The following DPYSL2 variants were observed in gnomAD, a reference collection of about 807,000 sequenced individuals.
The protein encoded by DPYSL2 is dihydropyrimidinase like 2.
In DPYSL2, 13 loss-of-function variants were observed where a neutral mutation model predicts 69.9. The observed-to-expected ratio is 0.19, with a 90% CI of 0.12 to 0.30. The LOEUF (loss-of-function observed/expected upper bound fraction) is 0.30. Among genes scored for constraint, DPYSL2 ranks in the 10% least tolerant of loss-of-function variants. The probability of loss-of-function intolerance (pLI) is 1.00; values close to 1 mark genes in which losing one functional copy is unlikely to be tolerated. For missense variants in DPYSL2, 587 were observed against 918.9 expected (o/e 0.64, Z 4.67); for synonymous variants, 326 against 359.1 (o/e 0.91, Z 1.04).
intron 3 of DPYSL2, among the ~76,000 whole-genome samples, chr8:26,600,141 AT>A (rs1174373048): frequency 6.6e-6 from 1 of 152,178 alleles, no homozygotes; most frequent in Non-Finnish European, 1.5e-5. Context: ...AGTAGACCAC[AT>A]TTTGTTTGCC....
At chr8:26,601,851 G>A (rs188560121) in intron 3 of DPYSL2, among the ~76,000 whole-genome samples, 1 of 152,232 alleles carries the variant, frequency 6.6e-6, no homozygotes, top group Non-Finnish European at 1.5e-5. Context: ...TTTATAAAAG[G>A]GGGTGGGCTA....
At chr8:26,573,207 C>A (rs1801267953) in intron 1 of DPYSL2, among the ~76,000 whole-genome samples, 1 of 152,158 alleles carries the variant, frequency 6.6e-6, no homozygotes, top group East Asian at 1.9e-4. Flanking sequence ...GAAGGGGAGG[C>A]TGCCAAGAAG....
intron 1 of DPYSL2, among the ~76,000 whole-genome samples, chr8:26,558,622 C>T (rs1204741108): frequency 6.6e-6 from 1 of 152,192 alleles, no homozygotes; most frequent in East Asian, 1.9e-4. Context: ...ATTGGCTCAT[C>T]ACTTGTAACA....
At chr8:26,611,221 TC>T (rs1045443302) in intron 3 of DPYSL2, among the ~76,000 whole-genome samples, 18 of 152,366 alleles carry the variant, frequency 1.2e-4, no homozygotes, top group African/African-American at 4.3e-4. Flanking sequence ...CTGTCCTTGT[TC>T]CGAGAAAGTT....
At chr8:26,569,022 T>G (rs1801195347) in intron 1 of DPYSL2, among the ~76,000 whole-genome samples, 1 of 152,166 alleles carries the variant, frequency 6.6e-6, no homozygotes, top group Non-Finnish European at 1.5e-5. Context: ...CCATGAGACC[T>G]CATCCAGTCA....
In DPYSL2 at chr8:26,516,640, A is replaced by G. The variant is rs1267266800; in HGVS notation, c.354+1961A>G. On this transcript the variant is annotated intron_variant, in intron 1 of 13. Coordinates refer to ENST00000521913, the MANE Select transcript of DPYSL2 (RefSeq NM_001197293.3). This position sits in a 1 kb window ranked among gnomAD's most constrained non-coding sequence, Gnocchi z 4.8. The stretch of plus-strand genomic sequence containing the variant: ...AAAACTAAGGCACGCAGAGGGGGAG[A>G]TTTGAAGAGAAAATACTCAAACAAA... Among the ~76,000 whole-genome samples, 1 of 152,132 alleles carries G rather than the reference A, an allele frequency of 6.6e-6. No homozygotes were observed. Among genetic ancestry groups the G allele is most frequent in the Non-Finnish European group, 1.5e-5 (1 of 68,026 alleles).
intron 1 of DPYSL2, chr8:26,548,506 C>G (rs10110479): frequency 0.88 from 133,909 of 153,038 alleles, 58,994 homozygotes; most frequent in East Asian, 0.99. Flanking sequence ...TCACAGTAGA[C>G]AGAGAGCTGT....
rs1244710356 is a variant in DPYSL2 at position 26,605,683 on chromosome 8, T to A, written c.629-18460T>A. ...GTATTAAAAATTAATAGCTTCCCTG[T>A]ATGTCATAAATAACCAATCAGAAAA... On this transcript the variant is annotated intron_variant, in intron 3 of 13. Coordinates refer to ENST00000521913, the MANE Select transcript of DPYSL2 (RefSeq NM_001197293.3). The surrounding 1 kb of genome is among the most constrained non-coding windows in gnomAD (Gnocchi z 4.1). Among the ~76,000 whole-genome samples, 4 of 152,202 alleles carry A rather than the reference T, an allele frequency of 2.6e-5. No individual in the cohort carries two copies. The highest frequency in any genetic ancestry group is 2.6e-4 in the Admixed American group (4 of 15,286).
At chr8:26,523,050 T>C (rs1394921755) in intron 1 of DPYSL2, among the ~76,000 whole-genome samples, 1 of 152,064 alleles carries the variant, frequency 6.6e-6, no homozygotes, top group Non-Finnish European at 1.5e-5. Context: ...CTTGAGTGTT[T>C]TGTGCACTGA....
intron 7 of DPYSL2, among the ~76,000 whole-genome samples, chr8:26,629,620 C>T (rs1802696442): frequency 6.6e-6 from 1 of 152,216 alleles, no homozygotes; most frequent in Admixed American, 6.5e-5. Context: ...CAGGCAAGCC[C>T]CTGTGTCAGC....
intron 1 of DPYSL2, among the ~76,000 whole-genome samples, chr8:26,527,423 CT>C (rs1808498271): frequency 6.6e-6 from 1 of 151,620 alleles, no homozygotes; most frequent in East Asian, 1.9e-4. Flanking sequence ...TATTTTTTTC[CT>C]TTGTATTTAT....
At chr8:26,631,254 C>T (rs1455913124) in intron 7 of DPYSL2, among the ~76,000 whole-genome samples, 1 of 152,228 alleles carries the variant, frequency 6.6e-6, no homozygotes, top group Non-Finnish European at 1.5e-5. Context: ...ATTTAATTGA[C>T]TTACAGTTCT....
At chr8:26,553,174 C>T (rs62492715) in intron 1 of DPYSL2, among the ~76,000 whole-genome samples, 1,961 of 152,166 alleles carry the variant, frequency 0.013, 22 homozygotes, top group Middle Eastern at 0.076. Flanking sequence ...CTTCCAAAAC[C>T]GAAAGCACCA....
chr8:26,536,688 C>G (rs1290090195), intron 1 of DPYSL2, among the ~76,000 whole-genome samples: 1 of 151,828 alleles, frequency 6.6e-6, no homozygotes, highest in Non-Finnish European at 1.5e-5. Flanking sequence ...AACAAACAAA[C>G]AAACAAAACA....
rs930279389 is a variant in DPYSL2, at chr8:26,641,814, C to T, written c.1127-1625C>T. On this transcript the variant is annotated intron_variant, in intron 8 of 13. Transcript: ENST00000521913. The surrounding 1 kb of genome is among the most constrained non-coding windows in gnomAD (Gnocchi z 4.1). ...GCCTGGAGTGAGCTGCCTGCTGTGG[C>T]CTCCAGCACTCCCCAGCTGAACAGC... Among the ~76,000 whole-genome samples the T allele has an allele frequency of 3.3e-5, 5 of 152,196 alleles. No homozygotes were observed. The highest frequency in any genetic ancestry group is 1.2e-4 in the African/African-American group (5 of 41,458).
intron 1 of DPYSL2, among the ~76,000 whole-genome samples, chr8:26,572,499 GA>G (rs542985653): frequency 8.8e-4 from 134 of 152,202 alleles, no homozygotes; most frequent in African/African-American, 3.1e-3. Flanking sequence ...GAATGAGTAA[GA>G]CTTTTTTGTT....
At chr8:26,583,168 A>G (rs988750058) in intron 2 of DPYSL2, among the ~76,000 whole-genome samples, 1 of 152,218 alleles carries the variant, frequency 6.6e-6, no homozygotes, top group African/African-American at 2.4e-5. Context: ...AGAAAGATAT[A>G]AAAATATTTT....
chr8:26,631,707 C>T (rs558637880), intron 7 of DPYSL2, among the ~76,000 whole-genome samples: 2 of 152,202 alleles, frequency 1.3e-5, no homozygotes, highest in African/African-American at 4.8e-5. Context: ...GATTTAGAGG[C>T]CCCTCTTGTA....
At position 26,621,288 on chromosome 8, in the gene DPYSL2, C is replaced by A. The variant is rs2129890547; in HGVS notation, c.629-2855C>A. On this transcript the variant is annotated intron_variant, in intron 3 of 13. Coordinates refer to ENST00000521913, the MANE Select transcript of DPYSL2 (RefSeq NM_001197293.3). The surrounding 1 kb of genome is among the most constrained non-coding windows in gnomAD (Gnocchi z 4.9). ...TTCTGTATTTTTGAAATTTTCTACTCAAAGAATCATATCATCAGAAAAAAA... is the reference window on the plus strand; with the variant it reads ...TTCTGTATTTTTGAAATTTTCTACTAAAAGAATCATATCATCAGAAAAAAA... 6.6e-6 allele frequency among the ~76,000 whole-genome samples: 1 copy of A among 152,260 alleles called. No individual in the cohort carries two copies. Among genetic ancestry groups the A allele is most frequent in the South Asian group, 2.1e-4 (1 of 4,824 alleles).
Sources: gnomAD v4.1 joint callset for allele counts (sites outside exome capture counted in the v4.1 genomes callset) on GRCh38, gnomAD v4.1.1 for gene constraint, Gnocchi (gnomAD v3.1) non-coding constraint, MANE v1.5 for transcripts, NCBI Gene and HGNC (gene_info 2026-07-23, HGNC 2026-07-21) for gene names.